The following HDAC9 variants were observed in gnomAD, a reference collection of about 807,000 sequenced individuals.
HDAC9 encodes the protein MEF-2 interacting transcription repressor (MITR) protein.
Under a neutral mutation model 139.4 loss-of-function variants are expected in HDAC9, and 41 were observed. The observed-to-expected ratio is 0.29, with a 90% confidence interval of 0.23 to 0.38. HDAC9 has a LOEUF of 0.38. HDAC9 is among the 10% of genes least tolerant of loss of function. The pLI is 1.00. For synonymous variants in HDAC9, 517 were observed against 476.2 expected (o/e 1.09, Z -1.12); for missense variants, 1,147 against 1,297.0 (o/e 0.88, Z 1.78).
At chr7:18,722,922 A>T (rs1282240023) in intron 12 of HDAC9, among the ~76,000 whole-genome samples, 1 of 152,210 alleles carries the variant, frequency 6.6e-6, no homozygotes, top group African/African-American at 2.4e-5. Context: ...GTTTAGTTTA[A>T]ATAACATTTA....
At chr7:18,091,286 T>C (rs1019615482) in intron 1 of HDAC9, among the ~76,000 whole-genome samples, 1 of 152,234 alleles carries the variant, frequency 6.6e-6, no homozygotes, top group Non-Finnish European at 1.5e-5. Flanking sequence ...GGAAAACTAC[T>C]ATCTATTGTT....
chr7:18,224,210 G>A (rs998891605), intron 2 of HDAC9, among the ~76,000 whole-genome samples: 1 of 152,104 alleles, frequency 6.6e-6, no homozygotes, highest in Non-Finnish European at 1.5e-5. Flanking sequence ...CCATTTTTAT[G>A]AATATTATGC....
chr7:18,621,395 T>C (rs1260684604), intron 6 of HDAC9, among the ~76,000 whole-genome samples: 1 of 151,968 alleles, frequency 6.6e-6, no homozygotes, highest in African/African-American at 2.4e-5. Flanking sequence ...ATTATAAAAT[T>C]AGCACTTTTC....
At chr7:18,500,675 A>G (rs907776251) in intron 2 of HDAC9, among the ~76,000 whole-genome samples, 3 of 152,152 alleles carry the variant, frequency 2.0e-5, no homozygotes, top group African/African-American at 4.8e-5. Flanking sequence ...AGAGCAGCGT[A>G]CTAAATTGGG....
chr7:18,159,204 G>A (rs1265649875), intron 1 of HDAC9, among the ~76,000 whole-genome samples: 1 of 152,142 alleles, frequency 6.6e-6, no homozygotes, highest in Non-Finnish European at 1.5e-5. Context: ...ATTGGAAGCA[G>A]ATATACTTCT....
chr7:18,733,561 G>A (rs1223032322), intron 13 of HDAC9, among the ~76,000 whole-genome samples: 2 of 151,372 alleles, frequency 1.3e-5, no homozygotes, highest in South Asian at 2.1e-4. Flanking sequence ...TTATTTAGGA[G>A]ATTAATTCAA....
rs147310205 is a variant in HDAC9, at chr7:18,648,077, C to G, written c.1249+79C>G. On this transcript the variant is annotated intron_variant, in intron 10 of 25. Transcript: ENST00000686413. ...GATCCAGGATAATGTCTCTTTTACT[C>G]AAGACCCTGATGGAGATCCACAGTG... 4.6e-4 allele frequency: 519 copies of G among 1,138,444 alleles called. 5 individuals carry two copies. In the Middle Eastern group the frequency reaches 5.0e-3, roughly 11 times the overall value. 70.5% of individuals were successfully genotyped at this position (1,138,444 alleles called of 1,614,324 possible).
At chr7:18,901,221 TACAC>T (rs373441653) in intron 22 of HDAC9, among the ~76,000 whole-genome samples, 1,325 of 123,104 alleles carry the variant, frequency 0.011, 10 homozygotes, top group Middle Eastern at 0.018. Flanking sequence ...TATATATATA[TACAC>T]ACACACACAC....
chr7:18,695,364 C>T (rs981055998), intron 12 of HDAC9, among the ~76,000 whole-genome samples: 5 of 152,030 alleles, frequency 3.3e-5, no homozygotes, highest in South Asian at 4.1e-4. Flanking sequence ...ATCTTTCCTA[C>T]GATGCTAATT....
At chr7:18,206,795 C>T (rs1217629097) in intron 2 of HDAC9, among the ~76,000 whole-genome samples, 1 of 151,996 alleles carries the variant, frequency 6.6e-6, no homozygotes, top group African/African-American at 2.4e-5. Context: ...GTTGGTAATC[C>T]CAGTTCCAAG....
At chr7:18,829,412 T>G in intron 18 of HDAC9, 49 bp from the exon 19 acceptor site, 1 of 1,379,448 alleles carries the variant, frequency 7.2e-7, no homozygotes, top group South Asian at 1.2e-5. Flanking sequence ...TATAATGGTT[T>G]TCCTGGATGA....
chr7:18,520,458 T>C (rs943371482), intron 2 of HDAC9, among the ~76,000 whole-genome samples: 3 of 152,162 alleles, frequency 2.0e-5, no homozygotes, highest in African/African-American at 7.2e-5. Context: ...CAAGCCTAAA[T>C]GGAGTTGGTT....
chr7:18,960,552 G>A (rs1783461399), intron 24 of HDAC9, among the ~76,000 whole-genome samples: 1 of 151,904 alleles, frequency 6.6e-6, no homozygotes, highest in East Asian at 1.9e-4. Context: ...ATTTCCAATG[G>A]GAGATAACTC....
At chr7:18,781,026 A>G (rs1174510627) in intron 16 of HDAC9, among the ~76,000 whole-genome samples, 1 of 151,996 alleles carries the variant, frequency 6.6e-6, no homozygotes. Flanking sequence ...ATGTTGGCAG[A>G]TTTGATTTCT....
intron 13 of HDAC9, among the ~76,000 whole-genome samples, chr7:18,733,172 T>C (rs1026747046): frequency 2.0e-5 from 3 of 148,010 alleles, no homozygotes; most frequent in African/African-American, 7.4e-5. Context: ...TATACACATG[T>C]ATATATGTGT....
At chr7:18,854,223 G>C (rs1797508337) in intron 21 of HDAC9, among the ~76,000 whole-genome samples, 1 of 152,234 alleles carries the variant, frequency 6.6e-6, no homozygotes, top group Admixed American at 6.5e-5. Flanking sequence ...CATGTCACTT[G>C]GCAGATAGTT....
intron 2 of HDAC9, among the ~76,000 whole-genome samples, chr7:18,166,680 T>G (rs1018089527): frequency 3.9e-5 from 6 of 152,160 alleles, no homozygotes; most frequent in African/African-American, 1.4e-4. Context: ...AACATCAGGT[T>G]TTTTAGAAGC....
chr7:18,527,512 T>G (rs1173969396), intron 2 of HDAC9, among the ~76,000 whole-genome samples: 1 of 152,114 alleles, frequency 6.6e-6, no homozygotes, highest in African/African-American at 2.4e-5. Flanking sequence ...AGTTGTTAGA[T>G]TTGTGATAAT....
chr7:18,358,982 C>T (rs184377684), intron 1 of HDAC9, among the ~76,000 whole-genome samples: 14 of 152,302 alleles, frequency 9.2e-5, no homozygotes, highest in African/African-American at 4.8e-5. Flanking sequence ...GCTAATAAAT[C>T]GTAGGACTAA....
Sources: allele counts gnomAD v4.1 joint callset (sites outside exome capture counted in the v4.1 genomes callset), GRCh38; gene constraint gnomAD v4.1.1; transcripts MANE v1.5; gene names NCBI Gene and HGNC (gene_info 2026-07-23, HGNC 2026-07-21).